The following CENPW variants were observed in gnomAD, a reference collection of about 807,000 sequenced individuals.
CENPW encodes centromere protein W, also known as cancer-up-regulated gene 2 protein.
A neutral mutation model predicts 11.1 loss-of-function variants in CENPW; 3 were observed. That is an observed-to-expected ratio of 0.27 (90% CI 0.12 to 0.70). The LOEUF (loss-of-function observed/expected upper bound fraction) is 0.70, where lower values mean the gene tolerates loss of function less well. CENPW is among the 30% of genes least tolerant of loss of function. The probability of loss-of-function intolerance (pLI) is 0.77; values close to 1 mark genes in which losing one functional copy is unlikely to be tolerated. For synonymous variants in CENPW, 38 were observed against 42.0 expected, an observed-to-expected ratio of 0.91 and a Z score of 0.37; for missense variants, 100 against 105.6, an observed-to-expected ratio of 0.95 and a Z score of 0.23.
chr6:126,410,043 A>G, the CENPW span, among the ~76,000 whole-genome samples: 7 of 151,242 alleles, frequency 4.6e-5, no homozygotes, highest in Admixed American at 1.3e-4. Context: ...TGGTGATCAG[A>G]TTTTATTCTC....
chr6:126,368,917 G>A, the CENPW span, among the ~76,000 whole-genome samples: 6 of 152,008 alleles, frequency 3.9e-5, no homozygotes, highest in East Asian at 7.7e-4. Flanking sequence ...GTCCCAATGT[G>A]TAGTCTTTTA....
chr6:126,424,041 GA>G, the CENPW span, among the ~76,000 whole-genome samples: 20 of 151,726 alleles, frequency 1.3e-4, no homozygotes, highest in Non-Finnish European at 2.7e-4. Flanking sequence ...TTTAACTTTA[GA>G]AAAAAATTTG....
the CENPW span, among the ~76,000 whole-genome samples, chr6:126,363,631 T>C: frequency 5.9e-5 from 9 of 152,234 alleles, no homozygotes; most frequent in Non-Finnish European, 1.2e-4. Context: ...TTTCTCATGT[T>C]TCTGGTAGCA....
At chr6:126,456,334 T>C in the CENPW span, among the ~76,000 whole-genome samples, 1 of 151,454 alleles carries the variant, frequency 6.6e-6, no homozygotes, top group South Asian at 2.1e-4. Context: ...CAAAAACACA[T>C]AATAGTAGCA....
the CENPW span, among the ~76,000 whole-genome samples, chr6:126,376,869 G>T: frequency 6.6e-6 from 1 of 152,148 alleles, no homozygotes; most frequent in East Asian, 1.9e-4. Flanking sequence ...GGGCACCCTG[G>T]TGTTCCGGCA....
At chr6:126,435,019 G>A in the CENPW span, among the ~76,000 whole-genome samples, 83 of 151,814 alleles carry the variant, frequency 5.5e-4, no homozygotes, top group African/African-American at 1.9e-3. Context: ...CTCAATTATG[G>A]CCCCTCCTGC....
chr6:126,372,572 T>C, the CENPW span, among the ~76,000 whole-genome samples: 6 of 152,148 alleles, frequency 3.9e-5, no homozygotes, highest in African/African-American at 7.2e-5. Flanking sequence ...TACACTTTAT[T>C]CCTCAGACAA....
the CENPW span, among the ~76,000 whole-genome samples, chr6:126,452,855 G>T: frequency 6.6e-6 from 1 of 150,908 alleles, no homozygotes; most frequent in East Asian, 2.0e-4. Flanking sequence ...GAAAGCTAAA[G>T]ACAAAGAAAA....
chr6:126,463,606 T>A, the CENPW span, among the ~76,000 whole-genome samples: 1 of 151,812 alleles, frequency 6.6e-6, no homozygotes. Flanking sequence ...ATTACTAATA[T>A]CACGAAAAAG....
At chr6:126,398,318 G>A in the CENPW span, among the ~76,000 whole-genome samples, 1 of 152,126 alleles carries the variant, frequency 6.6e-6, no homozygotes, top group African/African-American at 2.4e-5. Flanking sequence ...TTAGCATCAT[G>A]CCTAGTGCTT....
chr6:126,465,396 A>G, the CENPW span, among the ~76,000 whole-genome samples: 1 of 152,148 alleles, frequency 6.6e-6, no homozygotes, highest in Non-Finnish European at 1.5e-5. Context: ...TAAATGGATA[A>G]AATACCTATT....
At chr6:126,383,739 A>G in the CENPW span, among the ~76,000 whole-genome samples, 33 of 152,168 alleles carry the variant, frequency 2.2e-4, no homozygotes, top group Admixed American at 5.2e-4. Flanking sequence ...CTAAATATAT[A>G]TGCACCCAAC....
the CENPW span, among the ~76,000 whole-genome samples, chr6:126,462,498 T>G: frequency 2.0e-5 from 3 of 147,718 alleles, no homozygotes; most frequent in Non-Finnish European, 4.5e-5. Flanking sequence ...TCACCTCTTC[T>G]CTTCTTTTCT....
At chr6:126,462,530 TCTCACACACACA>T in the CENPW span, among the ~76,000 whole-genome samples, 12 of 144,032 alleles carry the variant, frequency 8.3e-5, no homozygotes, top group Non-Finnish European at 1.5e-4. Context: ...TCTCTCTCTC[TCTCACACACACA>T]CACACACACA....
chr6:126,411,453 A>G, the CENPW span, among the ~76,000 whole-genome samples: 2 of 152,154 alleles, frequency 1.3e-5, no homozygotes, highest in African/African-American at 4.8e-5. Context: ...GCTGAGTTTC[A>G]TGTACAGATG....
chr6:126,440,907 A>G, the CENPW span, among the ~76,000 whole-genome samples: 1 of 151,630 alleles, frequency 6.6e-6, no homozygotes, highest in East Asian at 1.9e-4. Flanking sequence ...GAGGGAAAAC[A>G]TAGGTTGCTT....
the CENPW span, among the ~76,000 whole-genome samples, chr6:126,387,897 C>T: frequency 6.6e-6 from 1 of 151,918 alleles, no homozygotes; most frequent in African/African-American, 2.4e-5. Flanking sequence ...GAATTCTAGA[C>T]CTTATGAAAC....
the CENPW span, among the ~76,000 whole-genome samples, chr6:126,408,065 G>A: frequency 6.6e-6 from 1 of 152,074 alleles, no homozygotes; most frequent in African/African-American, 2.4e-5. Context: ...ATAGTTTTGG[G>A]TTTAACAAGC....
the CENPW span, among the ~76,000 whole-genome samples, chr6:126,446,692 G>A: frequency 1.3e-5 from 2 of 150,942 alleles, no homozygotes; most frequent in South Asian, 4.2e-4. Context: ...ATAAAGTAGA[G>A]GACAATGTTA....
Sources: gnomAD v4.1 joint callset for allele counts (sites outside exome capture counted in the v4.1 genomes callset) on GRCh38, gnomAD v4.1.1 for gene constraint, MANE v1.5 for transcripts, NCBI Gene and HGNC (gene_info 2026-07-23, HGNC 2026-07-21) for gene names.